Variants in SGCZ observed in about 807,000 individuals in gnomAD.
SGCZ encodes the protein zeta-sarcoglycan.
A neutral mutation model predicts 41.3 loss-of-function variants in SGCZ; 40 were observed. The observed-to-expected ratio is 0.97, with a 90% CI of 0.75 to 1.26. SGCZ has a LOEUF of 1.26. Ranked by LOEUF, SGCZ falls within the 50% of genes most tolerant of loss-of-function variation. The pLI, the probability that SGCZ is intolerant of heterozygous loss-of-function variation, is 0.00. For synonymous variants in SGCZ, 206 were observed against 137.5 expected (o/e 1.50, Z -3.49); for missense variants, 552 against 369.8 (o/e 1.49, Z -4.04).
At chr8:14,501,372 G>A (rs959526928) in intron 2 of SGCZ, among the ~76,000 whole-genome samples, 1 of 151,848 alleles carries the variant, frequency 6.6e-6, no homozygotes, top group Non-Finnish European at 1.5e-5. Flanking sequence ...CACAGTTTCT[G>A]GGGAAGTCGA....
intron 2 of SGCZ, among the ~76,000 whole-genome samples, chr8:14,381,985 G>T (rs1481855060): frequency 1.3e-5 from 2 of 151,988 alleles, no homozygotes; most frequent in Non-Finnish European, 2.9e-5. Flanking sequence ...GGTCAAATTT[G>T]TTCCATGTTT....
At chr8:15,230,082 T>C (rs1464135212) in intron 1 of SGCZ, among the ~76,000 whole-genome samples, 2 of 152,098 alleles carry the variant, frequency 1.3e-5, no homozygotes, top group Non-Finnish European at 2.9e-5. Context: ...ATGTGAAGTG[T>C]TGAGGCATGT....
chr8:14,654,807 T>C lies in SGCZ; in HGVS notation c.40-99881A>G, dbSNP rs116374129. On this transcript the variant is annotated intron_variant, in intron 1 of 7. Transcript: ENST00000382080. ...TTCCACACATGTAAAGGTCTCATAA[T>C]TTTGTCATAAATCATGCACAAAGAA... 9.6e-3 allele frequency among the ~76,000 whole-genome samples: 1,453 copies of C among 152,044 alleles called. 44 individuals are homozygous for C. Among genetic ancestry groups the C allele is most frequent in the African/African-American group, 0.034 (1,398 of 41,424 alleles).
rs562186635 is a variant in SGCZ, at chr8:14,279,512, G to C, written c.337-41833C>G. ...TCAGTGGCGGGAATTTGGATTGGAT[G>C]ACTCCATAAATATCTACTATCTCTT... On this transcript the variant is annotated intron_variant, in intron 3 of 7. Coordinates refer to ENST00000382080, the MANE Select transcript of SGCZ (RefSeq NM_139167.4). Among the ~76,000 whole-genome samples the C allele has an allele frequency of 2.0e-5, 3 of 151,812 alleles. No individual in the cohort carries two copies. In the East Asian group the frequency reaches 5.8e-4, roughly 29 times the overall value.
intron 2 of SGCZ, among the ~76,000 whole-genome samples, chr8:14,511,491 A>G (rs1004486833): frequency 1.3e-5 from 2 of 152,084 alleles, no homozygotes; most frequent in Admixed American, 1.3e-4. Context: ...ATGTGGTACA[A>G]TGCCAAAACT....
At chr8:14,394,636 G>C (rs907031051) in intron 2 of SGCZ, among the ~76,000 whole-genome samples, 1 of 152,104 alleles carries the variant, frequency 6.6e-6, no homozygotes, top group African/African-American at 2.4e-5. Flanking sequence ...TCCTGTCATA[G>C]ACAGTAATCC....
At chr8:14,342,197 G>C (rs1802734578) in intron 2 of SGCZ, among the ~76,000 whole-genome samples, 1 of 152,182 alleles carries the variant, frequency 6.6e-6, no homozygotes, top group Admixed American at 6.5e-5. Context: ...TTGGGAACTG[G>C]AGCAAAGCTG....
At chr8:14,169,633 A>G (rs1299209912) in intron 4 of SGCZ, among the ~76,000 whole-genome samples, 1 of 152,082 alleles carries the variant, frequency 6.6e-6, no homozygotes, top group Non-Finnish European at 1.5e-5. Context: ...GCCAGTCCAC[A>G]GGGGTATGTG....
intron 2 of SGCZ, among the ~76,000 whole-genome samples, chr8:14,351,719 G>C (rs1390921378): frequency 6.6e-6 from 1 of 151,914 alleles, no homozygotes; most frequent in Non-Finnish European, 1.5e-5. Flanking sequence ...GCTTGTAATG[G>C]TACAATGATT....
chr8:14,764,555 A>G (rs985879229), intron 1 of SGCZ, among the ~76,000 whole-genome samples: 1 of 152,162 alleles, frequency 6.6e-6, no homozygotes, highest in Admixed American at 6.5e-5. Flanking sequence ...AGAAACCATA[A>G]CCTATATACA....
intron 1 of SGCZ, among the ~76,000 whole-genome samples, chr8:15,147,294 T>A (rs1799060652): frequency 6.6e-6 from 1 of 152,156 alleles, no homozygotes; most frequent in Non-Finnish European, 1.5e-5. Context: ...GTTCTGTTTT[T>A]TGAGACGGGC....
intron 5 of SGCZ, among the ~76,000 whole-genome samples, chr8:14,121,239 T>C (rs1225750164): frequency 6.6e-6 from 1 of 151,822 alleles, no homozygotes; most frequent in Admixed American, 6.6e-5. Flanking sequence ...TATTCAACTA[T>C]ATTATATTCA....
At chr8:14,226,156 T>C (rs1319544507) in intron 4 of SGCZ, among the ~76,000 whole-genome samples, 1 of 152,052 alleles carries the variant, frequency 6.6e-6, no homozygotes, top group Non-Finnish European at 1.5e-5. Flanking sequence ...CCTTACATAG[T>C]TGCATGAAGA....
chr8:14,098,718 G>A (rs1298708340), intron 7 of SGCZ, among the ~76,000 whole-genome samples: 1 of 152,146 alleles, frequency 6.6e-6, no homozygotes, highest in African/African-American at 2.4e-5. Flanking sequence ...CAATTAAGGA[G>A]GGGGATATGA....
At chr8:15,008,236 C>G (rs1307678523) in intron 1 of SGCZ, among the ~76,000 whole-genome samples, 1 of 152,074 alleles carries the variant, frequency 6.6e-6, no homozygotes, top group Non-Finnish European at 1.5e-5. Context: ...TTTATCTACT[C>G]TGGAAATCCC....
chr8:14,132,090 T>A (rs1803058377), intron 5 of SGCZ, among the ~76,000 whole-genome samples: 1 of 152,172 alleles, frequency 6.6e-6, no homozygotes, highest in Non-Finnish European at 1.5e-5. Flanking sequence ...TATTGGTCCA[T>A]GTGATGGTGT....
chr8:14,430,448 A>T (rs1399666271), intron 2 of SGCZ, among the ~76,000 whole-genome samples: 1 of 152,212 alleles, frequency 6.6e-6, no homozygotes, highest in East Asian at 1.9e-4. Context: ...CAAAAATGAC[A>T]TGATCATGTC....
intron 1 of SGCZ, among the ~76,000 whole-genome samples, chr8:14,735,840 G>A (rs1410664941): frequency 6.6e-6 from 1 of 152,028 alleles, no homozygotes; most frequent in Non-Finnish European, 1.5e-5. Flanking sequence ...CTATTAGGGA[G>A]GCCTTGCTGA....
At chr8:14,971,017 C>A (rs1801277302) in intron 1 of SGCZ, among the ~76,000 whole-genome samples, 1 of 152,088 alleles carries the variant, frequency 6.6e-6, no homozygotes, top group Non-Finnish European at 1.5e-5. Flanking sequence ...TAAGTTTTGT[C>A]TCTAGGACAT....
Sources: gnomAD v4.1 joint callset for allele counts (sites outside exome capture counted in the v4.1 genomes callset) on GRCh38, gnomAD v4.1.1 for gene constraint, MANE v1.5 for transcripts, NCBI Gene and HGNC (gene_info 2026-07-23, HGNC 2026-07-21) for gene names.